CCDC9: variants seen among roughly 807,000 people sequenced by gnomAD.
CCDC9 encodes the protein coiled-coil domain containing 9.
A neutral mutation model predicts 65.6 loss-of-function variants in CCDC9; 52 were observed. The ratio of observed to expected loss-of-function variants is 0.79; its 90% CI spans 0.63 to 1.00. CCDC9 has a LOEUF of 1.00. Ranked by LOEUF, CCDC9 falls within the 50% of genes least tolerant of loss-of-function variation. The pLI is 0.00. For missense variants in CCDC9, 834 were observed against 757.2 expected (o/e 1.10, Z -1.19); for synonymous variants, 332 against 280.3 (o/e 1.18, Z -1.84).
At position 47,271,662 on chromosome 19, in the gene CCDC9, C is replaced by A. The variant is rs1401160841; in HGVS notation, c.1580C>A (p.Pro527His). ...AGALSPGEAWPFESV is the reference protein window; with the variant it reads ...AGALSPGEAWHFESV ...GCCCTCTCCCCGGGTGAGGCCTGGCCTTTTGAGAGTGTATGAAGCTGGCTG... is the reference window on the plus strand; with the variant it reads ...GCCCTCTCCCCGGGTGAGGCCTGGCATTTTGAGAGTGTATGAAGCTGGCTG... Residue 527 changes from proline (P) to histidine (H), a missense_variant, in exon 12 of 12, where the codon CCT (proline) becomes CAT (histidine). Physicochemically the swap from Pro to His is moderately conservative, Grantham distance 77. Transcript: ENST00000221922. The A allele has an allele frequency of 6.3e-7, 1 of 1,587,738 alleles. No individual in the cohort carries two copies. The highest frequency in any genetic ancestry group is 1.4e-5 in the African/African-American group (1 of 73,598).
chr19:47,270,943 A>G (rs2059112565), intron 10 of CCDC9, 139 bp from the exon 11 acceptor site: 5 of 743,848 alleles, frequency 6.7e-6, no homozygotes, highest in South Asian at 1.7e-5. Context: ...ACACATGGGG[A>G]CACACATCCG....
At chr19:47,273,301 G>T, downstream of CCDC9, 2 of 1,015,856 alleles carry the variant, frequency 2.0e-6, no homozygotes, top group Non-Finnish European at 2.5e-6. Flanking sequence ...GTGCTGGGCC[G>T]GGGGGGAGGT....
intron 1 of CCDC9, among the ~76,000 whole-genome samples, chr19:47,257,320 A>G (rs978422692): frequency 7.0e-6 from 1 of 141,906 alleles, no homozygotes; most frequent in African/African-American, 2.7e-5. Context: ...TAATAATAAG[A>G]GATGGTAGGG....
intron 5 of CCDC9, among the ~76,000 whole-genome samples, chr19:47,264,334 C>T (rs1378615305): frequency 6.6e-6 from 1 of 152,206 alleles, no homozygotes; most frequent in Admixed American, 6.5e-5. Flanking sequence ...GTTTTGAACG[C>T]AGGCCCCTTC....
intron 10 of CCDC9, among the ~76,000 whole-genome samples, 196 bp downstream of exon 10, chr19:47,270,884 G>A (rs1202600281): frequency 5.3e-5 from 8 of 152,116 alleles, no homozygotes; most frequent in East Asian, 1.9e-4. Context: ...CCTTTCTGCC[G>A]TCACCCATCT....
At chr19:47,258,466 G>C in intron 2 of CCDC9, 63 bp downstream of exon 2, 1 of 1,609,182 alleles carries the variant, frequency 6.2e-7, no homozygotes. Flanking sequence ...GGGAGGATGG[G>C]ATCCATAGGG....
Position 47,271,421 on chromosome 19 carries a change from G to T in CCDC9, c.1339G>T (p.Ala447Ser). 1.9e-6 allele frequency: 3 copies of T among 1,613,952 alleles called. No individual in the cohort carries two copies. The highest frequency in any genetic ancestry group is 2.5e-6 in the Non-Finnish European group (3 of 1,179,976). The change falls in exon 12 of 12, where the codon GCC (alanine) becomes TCC (serine). Residue 447 changes from alanine to serine, a missense_variant. Transcript: ENST00000221922. Reference protein sequence around the residue: ...EVEEGDEEEPAQDHQAPEAAP... With the variant: ...EVEEGDEEEPSQDHQAPEAAP... ...GGAAGAAGGTGATGAGGAGGAACCAGCCCAAGACCACCAAGCCCCAGAGGC... is the reference window on the plus strand; with the variant it reads ...GGAAGAAGGTGATGAGGAGGAACCATCCCAAGACCACCAAGCCCCAGAGGC...
chr19:47,263,676 C>G (rs1283755819), intron 5 of CCDC9, among the ~76,000 whole-genome samples: 1 of 150,518 alleles, frequency 6.6e-6, no homozygotes, highest in Non-Finnish European at 1.5e-5. Flanking sequence ...AGCAATTCTC[C>G]TGTCTCAGCC....
chr19:47,275,361 C>T (rs556153842), downstream of CCDC9: 5 of 1,533,852 alleles, frequency 3.3e-6, no homozygotes, highest in South Asian at 3.6e-5. Flanking sequence ...CTCCCTTCCA[C>T]CCCAACCCGG....
rs200098648 is a variant in CCDC9 at position 47,264,836 on chromosome 19, C to T, written c.610C>T (p.Pro204Ser). The change falls in exon 7 of 12, where the codon CCC (proline) becomes TCC (serine). Residue 204 changes from proline (P) to serine (S), a missense_variant. By Grantham distance (74) the Pro-to-Ser change is moderately conservative (BLOSUM62 -1). Coordinates refer to ENST00000221922, the MANE Select transcript of CCDC9 (RefSeq NM_015603.3). ...FLDDPRRRSG[P>S]LEESERDRRE... ...GGACGACCCCCGGCGACGCAGCGGG[C>T]CCCTGGAGGAGTCTGAGCGGGACCG... The T allele has an allele frequency of 2.8e-5, 44 of 1,548,948 alleles. No individual in the cohort carries two copies. In the African/African-American group the frequency reaches 3.8e-4, roughly 13 times the overall value.
chr19:47,260,987 C>T (rs1382559969), intron 5 of CCDC9, 148 bp downstream of exon 5: 23 of 880,840 alleles, frequency 2.6e-5, no homozygotes, highest in Middle Eastern at 5.6e-4. Flanking sequence ...TTTCTCTCTT[C>T]CTCCACCTCC....
At chr19:47,267,243 C>T (rs1447709551) in intron 8 of CCDC9, among the ~76,000 whole-genome samples, 1 of 151,918 alleles carries the variant, frequency 6.6e-6, no homozygotes, top group Non-Finnish European at 1.5e-5. Flanking sequence ...AGATTACAGG[C>T]GTGAGCCACC....
intron 1 of CCDC9, among the ~76,000 whole-genome samples, chr19:47,256,939 A>G (rs1232745599): frequency 6.6e-6 from 1 of 151,312 alleles, no homozygotes; most frequent in East Asian, 1.9e-4. Flanking sequence ...GCGGGGCCAG[A>G]AAGTTTTGCC....
At chr19:47,269,177 T>A (rs183672410) in intron 8 of CCDC9, among the ~76,000 whole-genome samples, 73 of 152,140 alleles carry the variant, frequency 4.8e-4, no homozygotes, top group Admixed American at 1.8e-3. Flanking sequence ...TCATGGAAGG[T>A]TCTAGGTGAT....
At chr19:47,274,073 T>G (rs2059141143), downstream of CCDC9, 2 of 740,260 alleles carry the variant, frequency 2.7e-6, no homozygotes, top group Non-Finnish European at 3.3e-6. Flanking sequence ...GCTGTGTTCT[T>G]TCTACCCCAG....
At chr19:47,263,797 C>T (rs1311949066) in intron 5 of CCDC9, among the ~76,000 whole-genome samples, 1 of 151,980 alleles carries the variant, frequency 6.6e-6, no homozygotes, top group East Asian at 1.9e-4. Flanking sequence ...AACTCCTGAC[C>T]TCGTGATCCA....
chr19:47,265,088 C>T (rs1268967522), intron 7 of CCDC9, 142 bp downstream of exon 7: 27 of 647,938 alleles, frequency 4.2e-5, no homozygotes, highest in East Asian at 1.6e-4. Context: ...GACGGATTCT[C>T]GCTCTGTCAC....
In CCDC9 at chr19:47,271,722, TGTGTGTGTGTGCGC is replaced by T. The variant is rs1458149426; in HGVS notation, c.*46_*59del. Reference sequence around the variant, plus strand: ...GTGTGTGTGTGTGTGTGTGTGTGTGTGTGTGTGTGTGCGCGCGCGCGCGCGCGCGCGCGCGCGCT... The same window carrying T: ...GTGTGTGTGTGTGTGTGTGTGTGTGTGCGCGCGCGCGCGCGCGCGCGCGCT... On this transcript the variant is annotated 3_prime_UTR_variant, in exon 12 of 12. Transcript: ENST00000221922. 170 of 1,345,008 alleles carry T rather than the reference TGTGTGTGTGTGCGC, an allele frequency of 1.3e-4. No homozygotes were observed. The African/African-American group carries it at 2.9e-3, about 23-fold the overall frequency. The allele number at this position is 1,345,008 out of a possible 1,614,324, so 83.3% of individuals were successfully genotyped here.
At chr19:47,261,513 CT>C (rs2059045507) in intron 5 of CCDC9, among the ~76,000 whole-genome samples, 1 of 152,068 alleles carries the variant, frequency 6.6e-6, no homozygotes, top group African/African-American at 2.4e-5. Flanking sequence ...CTCACTTCCC[CT>C]GTGAGCTTCT....
Sources: gnomAD v4.1 joint callset for allele counts (sites outside exome capture counted in the v4.1 genomes callset) on GRCh38, gnomAD v4.1.1 for gene constraint, MANE v1.5 for transcripts, NCBI Gene and HGNC (gene_info 2026-07-23, HGNC 2026-07-21) for gene names.